LYPLA1: variants seen among roughly 807,000 people sequenced by gnomAD.
The protein encoded by LYPLA1 is lysophospholipase 1, also known as acyl-protein thioesterase 1.
LYPLA1 carries 17 observed loss-of-function variants against 34.0 expected under a neutral mutation model. The ratio of observed to expected loss-of-function variants is 0.50; its 90% confidence interval spans 0.34 to 0.75. LYPLA1 has a LOEUF of 0.75. LYPLA1 is among the 30% of genes least tolerant of loss of function. The probability of loss-of-function intolerance (pLI) is 0.01; values close to 1 mark genes in which losing one functional copy is unlikely to be tolerated. For missense variants in LYPLA1, 203 were observed against 288.8 expected (o/e 0.70, Z 2.15); for synonymous variants, 98 against 100.8 (o/e 0.97, Z 0.17).
At chr8:54,054,735 A>C (rs1396089164) in intron 6 of LYPLA1, 1 of 200,010 alleles carries the variant, frequency 5.0e-6, no homozygotes, top group East Asian at 1.2e-4. Context: ...AAAGGGAAGA[A>C]ATTCTCTTGT....
chr8:54,083,604 C>T (rs563754632), intron 2 of LYPLA1, among the ~76,000 whole-genome samples: 1 of 152,288 alleles, frequency 6.6e-6, no homozygotes, highest in South Asian at 2.1e-4. Context: ...AACTCAGCCA[C>T]TCTAGGATGA....
At chr8:54,046,109 CA>C, downstream of LYPLA1, among the ~76,000 whole-genome samples, 1 of 151,916 alleles carries the variant, frequency 6.6e-6, no homozygotes, top group Admixed American at 6.6e-5. Context: ...AAGAAAAAGA[CA>C]AAAGATAAAC....
chr8:54,097,475 C>A (rs1221345825), intron 2 of LYPLA1, among the ~76,000 whole-genome samples: 1 of 152,072 alleles, frequency 6.6e-6, no homozygotes, highest in Admixed American at 6.6e-5. Context: ...TAATGTATGA[C>A]TAGGGAGGAG....
intron 7 of LYPLA1, among the ~76,000 whole-genome samples, chr8:54,051,569 T>G (rs1027794242): frequency 6.6e-6 from 1 of 152,088 alleles, no homozygotes; most frequent in African/African-American, 2.4e-5. Flanking sequence ...TGCCTCAGCC[T>G]CCCAAGTAGC....
intron 1 of LYPLA1, chr8:54,101,223 C>T: frequency 1.5e-6 from 1 of 653,560 alleles, no homozygotes. Context: ...CAGTTTATCT[C>T]TTTCAAGTGA....
chr8:54,053,595 A>G (rs2129325392), intron 6 of LYPLA1: 1 of 456,222 alleles, frequency 2.2e-6, no homozygotes, highest in South Asian at 1.5e-5. Context: ...TTCACATCCC[A>G]GGCAGTGATG....
At chr8:54,083,564 C>T (rs917860174) in intron 2 of LYPLA1, among the ~76,000 whole-genome samples, 1 of 152,138 alleles carries the variant, frequency 6.6e-6, no homozygotes, top group African/African-American at 2.4e-5. Flanking sequence ...TTAGGCTTTA[C>T]CAGCCAGAAG....
At position 54,081,012 on chromosome 8, in the gene LYPLA1, T is replaced by C. The variant is rs1808276662; in HGVS notation, c.102-15199A>G. Among the ~76,000 whole-genome samples the C allele has an allele frequency of 3.9e-5, 6 of 152,370 alleles. No individual in the cohort carries two copies. The South Asian group carries it at 1.2e-3, about 32-fold the overall frequency. ...AGTACTTACAATCTTTTGTATGTATTAGACATTTGCCAAAGAATAAAAATG... is the reference window on the plus strand; with the variant it reads ...AGTACTTACAATCTTTTGTATGTATCAGACATTTGCCAAAGAATAAAAATG... On this transcript the variant is annotated intron_variant, in intron 2 of 8. Coordinates refer to ENST00000316963, the MANE Select transcript of LYPLA1 (RefSeq NM_006330.4).
At chr8:54,099,694 T>C (rs1586193360) in intron 2 of LYPLA1, among the ~76,000 whole-genome samples, 1 of 142,782 alleles carries the variant, frequency 7.0e-6, no homozygotes, top group South Asian at 2.2e-4. Flanking sequence ...CCTAATGGCA[T>C]TTTTTTTTTT....
At chr8:54,074,192 G>C (rs1039442233) in intron 2 of LYPLA1, among the ~76,000 whole-genome samples, 25 of 152,120 alleles carry the variant, frequency 1.6e-4, no homozygotes, top group African/African-American at 6.0e-4. Context: ...GAGAATGGCG[G>C]GAACCCGGGA....
intron 2 of LYPLA1, among the ~76,000 whole-genome samples, chr8:54,077,010 G>T (rs1233695406): frequency 6.6e-6 from 1 of 151,842 alleles, no homozygotes; most frequent in Non-Finnish European, 1.5e-5. Context: ...AGCTGGTCTC[G>T]GCAGTTCTCC....
Position 54,059,572 on chromosome 8 carries a change from G to C in LYPLA1, c.286+2682C>G, listed in dbSNP as rs1210723850. On this transcript the variant is annotated intron_variant, in intron 5 of 8. Transcript: ENST00000316963. ...ACCCGCCTCGGCCTCCCAAAGTGCTGGGATTACAGGCGTGAGCCACCGCGC... is the reference window on the plus strand; with the variant it reads ...ACCCGCCTCGGCCTCCCAAAGTGCTCGGATTACAGGCGTGAGCCACCGCGC... Among the ~76,000 whole-genome samples the C allele has an allele frequency of 2.7e-5, 2 of 73,314 alleles. 1 individual carries two copies. Among genetic ancestry groups the C allele is most frequent in the Non-Finnish European group, 4.1e-5 (2 of 48,304 alleles). 48.1% of individuals were successfully genotyped at this position (73,314 alleles called of 152,430 possible).
At chr8:54,079,727 G>A (rs1051341167) in intron 2 of LYPLA1, among the ~76,000 whole-genome samples, 34 of 151,920 alleles carry the variant, frequency 2.2e-4, no homozygotes, top group Admixed American at 2.0e-3. Context: ...CCTGGGAGGC[G>A]GAGGGTGCGG....
intron 7 of LYPLA1, among the ~76,000 whole-genome samples, chr8:54,051,847 CTTT>C (rs757045729): frequency 1.5e-5 from 2 of 130,400 alleles, no homozygotes; most frequent in Admixed American, 1.5e-4. Flanking sequence ...ATTCAGCTAT[CTTT>C]TTTTTTTTTT....
chr8:54,083,063 T>C (rs1808435524), intron 2 of LYPLA1, among the ~76,000 whole-genome samples: 1 of 152,212 alleles, frequency 6.6e-6, no homozygotes, highest in Admixed American at 6.5e-5. Context: ...TTCGCAGACA[T>C]CATTTTTTCC....
intron 2 of LYPLA1, among the ~76,000 whole-genome samples, chr8:54,095,749 CT>C (rs568630269): frequency 0.014 from 1,915 of 138,646 alleles, 46 homozygotes; most frequent in Admixed American, 0.067. Context: ...CTGGCTTACA[CT>C]TTTTTTTTTT....
chr8:54,062,134 A>C, intron 5 of LYPLA1, 120 bp downstream of exon 5: 1 of 659,812 alleles, frequency 1.5e-6, no homozygotes, highest in Non-Finnish European at 2.6e-6. Flanking sequence ...CTGGGATTAC[A>C]GGCGTGAGCC....
chr8:54,096,431 C>T (rs939307731), intron 2 of LYPLA1, among the ~76,000 whole-genome samples: 9 of 152,066 alleles, frequency 5.9e-5, no homozygotes, highest in Admixed American at 2.0e-4. Flanking sequence ...GGCAAAACCC[C>T]GTCTCTACTA....
intron 2 of LYPLA1, among the ~76,000 whole-genome samples, chr8:54,073,801 T>C (rs184673408): frequency 1.1e-4 from 16 of 152,334 alleles, no homozygotes; most frequent in Admixed American, 9.8e-4. Context: ...AAGTCAGCCA[T>C]ATCTCCATTG....
Sources: allele counts gnomAD v4.1 joint callset (sites outside exome capture counted in the v4.1 genomes callset), GRCh38; gene constraint gnomAD v4.1.1; transcripts MANE v1.5; gene names NCBI Gene and HGNC (gene_info 2026-07-23, HGNC 2026-07-21).